The following PHACTR3 variants were observed in gnomAD, a reference collection of about 807,000 sequenced individuals.
PHACTR3 encodes the protein protein phosphatase 1, regulatory subunit 123.
A neutral mutation model predicts 66.8 loss-of-function variants in PHACTR3; 16 were observed. The ratio of observed to expected loss-of-function variants is 0.24; its 90% CI spans 0.16 to 0.36. The LOEUF (loss-of-function observed/expected upper bound fraction) is 0.36, where lower values mean the gene tolerates loss of function less well. PHACTR3 is among the 10% of genes least tolerant of loss of function. The probability of loss-of-function intolerance (pLI) is 1.00; values close to 1 mark genes in which losing one functional copy is unlikely to be tolerated. For synonymous variants in PHACTR3, 323 were observed against 292.1 expected, an observed-to-expected ratio of 1.11 and a Z score of -1.08; for missense variants, 647 against 719.9, an observed-to-expected ratio of 0.90 and a Z score of 1.16.
chr20:59,630,789 A>G (rs977277291), intron 1 of PHACTR3, among the ~76,000 whole-genome samples: 1 of 151,904 alleles, frequency 6.6e-6, no homozygotes, highest in African/African-American at 2.4e-5. Context: ...AGGAGCTTGT[A>G]CTGTCGAAGT....
intron 1 of PHACTR3, among the ~76,000 whole-genome samples, chr20:59,733,953 C>T (rs1299360131): frequency 6.6e-6 from 1 of 152,068 alleles, no homozygotes; most frequent in East Asian, 1.9e-4. Flanking sequence ...CCTCTGCCTT[C>T]CTGCCTTCAG....
At chr20:59,768,140 G>A (rs900182972) in intron 5 of PHACTR3, among the ~76,000 whole-genome samples, 1 of 152,228 alleles carries the variant, frequency 6.6e-6, no homozygotes, top group Non-Finnish European at 1.5e-5. Flanking sequence ...CACACTGGCA[G>A]AATAATCCTA....
intron 8 of PHACTR3, among the ~76,000 whole-genome samples, chr20:59,811,127 T>C (rs2041725497): frequency 6.6e-6 from 1 of 152,240 alleles, no homozygotes; most frequent in Non-Finnish European, 1.5e-5. Flanking sequence ...AGAAGGTAAC[T>C]GGCCCAGGGC....
intron 1 of PHACTR3, among the ~76,000 whole-genome samples, chr20:59,620,667 G>A (rs775764207): frequency 5.3e-5 from 8 of 152,172 alleles, no homozygotes; most frequent in Non-Finnish European, 1.0e-4. Flanking sequence ...GACTGTGGTT[G>A]CTCAGCCAGG....
At chr20:59,681,588 G>A (rs1187167929) in intron 1 of PHACTR3, among the ~76,000 whole-genome samples, 1 of 152,224 alleles carries the variant, frequency 6.6e-6, no homozygotes, top group East Asian at 1.9e-4. Flanking sequence ...GAGCCAAACA[G>A]ATATCTCAAC....
chr20:59,716,685 G>A (rs1394782995), intron 1 of PHACTR3, among the ~76,000 whole-genome samples: 2 of 152,108 alleles, frequency 1.3e-5, no homozygotes, highest in African/African-American at 4.8e-5. Context: ...GCATTTACAT[G>A]TTCATAATTC....
intron 7 of PHACTR3, among the ~76,000 whole-genome samples, chr20:59,797,284 T>G (rs2041276506): frequency 6.6e-6 from 1 of 152,178 alleles, no homozygotes; most frequent in South Asian, 2.1e-4. Context: ...TTGCTAAGGT[T>G]TCTTAAGGTC....
intron 8 of PHACTR3, among the ~76,000 whole-genome samples, chr20:59,815,587 G>C (rs941901172): frequency 1.3e-5 from 2 of 152,052 alleles, no homozygotes; most frequent in African/African-American, 2.4e-5. Flanking sequence ...ACCATGCCCA[G>C]CTAACTTTTG....
chr20:59,694,259 G>C lies in PHACTR3; in HGVS notation c.119-48848G>C, dbSNP rs2037213999. 3.9e-5 allele frequency among the ~76,000 whole-genome samples: 6 copies of C among 152,220 alleles called. 1 individual carries two copies. In the South Asian group the frequency reaches 1.2e-3, roughly 32 times the overall value. ...GTCCTTCAGGTGAGAGGCTCCTCAG[G>C]GATCCACAGACCATTGTTTTGGCTT... On this transcript the variant is annotated intron_variant, in intron 1 of 12. Coordinates refer to ENST00000371015, the MANE Select transcript of PHACTR3 (RefSeq NM_080672.5).
rs6100588 is a variant in PHACTR3, at chr20:59,784,770, A to G, written c.1174+10280A>G. Among the ~76,000 whole-genome samples the G allele has an allele frequency of 5.3e-3, 806 of 152,302 alleles. 9 individuals carry two copies. The highest frequency in any genetic ancestry group is 0.016 in the African/African-American group (673 of 41,542). On this transcript the variant is annotated intron_variant, in intron 7 of 12. Transcript: ENST00000371015. ...ACACTGTGGGACGTTGTCATCTGCA[A>G]AATAGGAAAACTAAATCCTAGCACC...
At position 59,676,815 on chromosome 20, in the gene PHACTR3, C is replaced by T. The variant is rs2036462876; in HGVS notation, c.119-66292C>T. 5.9e-6 allele frequency: 5 copies of T among 852,098 alleles called. No homozygotes were observed. The South Asian group carries it at 2.7e-4, about 47-fold the overall frequency. The allele number at this position is 852,098 out of a possible 1,614,324, so 52.8% of individuals were successfully genotyped here. A position where few individuals can be genotyped will look rare whatever the true frequency, so the allele number is the denominator to read the frequency against. Reference sequence around the variant, plus strand: ...GGTGAGGCAGAGGGCAGGGACTCTGCTTAGGGAGCAGGCTTCTTAAAGGCA... The same window carrying T: ...GGTGAGGCAGAGGGCAGGGACTCTGTTTAGGGAGCAGGCTTCTTAAAGGCA... On this transcript the variant is annotated intron_variant, in intron 1 of 12. Transcript: ENST00000371015.
rs116282847 is a variant in PHACTR3, at chr20:59,628,940, T to A, written c.118+23808T>A. 5.9e-3 allele frequency: 2,525 copies of A among 428,216 alleles called. 60 individuals carry two copies. The highest frequency in any genetic ancestry group is 0.051 in the African/African-American group (2,397 of 46,642). The allele number at this position is 428,216 out of a possible 1,614,324, so 26.5% of individuals were successfully genotyped here. ...CTCAATGACAGCATCCACCTTTCCA[T>A]GGTTCACTGGTTGGCACCAGGAGGT... On this transcript the variant is annotated intron_variant, in intron 1 of 12. Coordinates refer to ENST00000371015, the MANE Select transcript of PHACTR3 (RefSeq NM_080672.5).
At chr20:59,633,114 C>T (rs2034724217) in intron 1 of PHACTR3, among the ~76,000 whole-genome samples, 1 of 152,160 alleles carries the variant, frequency 6.6e-6, no homozygotes, top group Non-Finnish European at 1.5e-5. Flanking sequence ...GTCACACTCC[C>T]AGTGACACAG....
intron 1 of PHACTR3, among the ~76,000 whole-genome samples, chr20:59,712,505 C>CT (rs1206556926): frequency 6.6e-6 from 1 of 152,166 alleles, no homozygotes; most frequent in Admixed American, 6.5e-5. Flanking sequence ...CATAACTTTG[C>CT]ACACTCTCGA....
intron 1 of PHACTR3, among the ~76,000 whole-genome samples, chr20:59,683,510 C>T (rs151172286): frequency 9.6e-5 from 14 of 146,046 alleles, no homozygotes; most frequent in African/African-American, 3.3e-4. Context: ...CAAATTTAAA[C>T]TCATTTTAAA....
chr20:59,742,235 A>G (rs111820254), intron 1 of PHACTR3, among the ~76,000 whole-genome samples: 3 of 152,266 alleles, frequency 2.0e-5, no homozygotes, highest in Admixed American at 6.5e-5. Flanking sequence ...TTGGAGATCC[A>G]CTTTCTTTCT....
At chr20:59,683,715 C>T (rs1049790378) in intron 1 of PHACTR3, among the ~76,000 whole-genome samples, 22 of 152,114 alleles carry the variant, frequency 1.4e-4, no homozygotes, top group East Asian at 5.8e-4. Flanking sequence ...ATGCCAGGGT[C>T]GTCATAATAC....
chr20:59,604,877 C>CTTGT lies in PHACTR3; in HGVS notation c.-136_-135insGTTT. 12 of 977,902 alleles carry CTTGT rather than the reference C, an allele frequency of 1.2e-5. No homozygotes were observed. Among genetic ancestry groups the CTTGT allele is most frequent in the East Asian group, 8.2e-5 (1 of 12,206 alleles). 60.6% of individuals were successfully genotyped at this position (977,902 alleles called of 1,614,324 possible). On this transcript the variant is annotated 5_prime_UTR_variant, in exon 1 of 13. Coordinates refer to ENST00000371015, the MANE Select transcript of PHACTR3 (RefSeq NM_080672.5). ...TCTCCAGCTCGTTTCCTTTCCCGGCCTTTTTTTTTTTTTTTTTTTTTTAAT... is the reference window on the plus strand; with the variant it reads ...TCTCCAGCTCGTTTCCTTTCCCGGCCTTGTTTTTTTTTTTTTTTTTTTTTTTAAT...
chr20:59,796,648 T>G lies in PHACTR3; in HGVS notation c.1175-9393T>G, dbSNP rs551377775. Reference sequence around the variant, plus strand: ...TATAATATTCTTGGTTAGTAGAGATTTTTTTCCCCCTCTCTTATCATCCCA... The same window carrying G: ...TATAATATTCTTGGTTAGTAGAGATGTTTTTCCCCCTCTCTTATCATCCCA... On this transcript the variant is annotated intron_variant, in intron 7 of 12. Transcript: ENST00000371015. 1.6e-4 allele frequency among the ~76,000 whole-genome samples: 25 copies of G among 152,182 alleles called. No individual in the cohort carries two copies. The South Asian group carries it at 5.2e-3, about 32-fold the overall frequency.
Sources: allele counts gnomAD v4.1 joint callset (sites outside exome capture counted in the v4.1 genomes callset), GRCh38; gene constraint gnomAD v4.1.1; transcripts MANE v1.5; gene names NCBI Gene and HGNC (gene_info 2026-07-23, HGNC 2026-07-21).